Variants in LMF1 observed in about 807,000 individuals in gnomAD.
LMF1 encodes the protein lipase maturation factor 1.
LMF1 carries 68 observed loss-of-function variants against 60.6 expected under a neutral mutation model. The ratio of observed to expected loss-of-function variants is 1.12; its 90% CI spans 0.92 to 1.37. The LOEUF (loss-of-function observed/expected upper bound fraction) is 1.37, where lower values mean the gene tolerates loss of function less well. LMF1 is among the 40% of genes most tolerant of loss of function. The pLI is 0.00. For synonymous variants in LMF1, 418 were observed against 324.7 expected (o/e 1.29, Z -3.09); for missense variants, 948 against 767.2 (o/e 1.24, Z -2.78).
Position 869,036 on chromosome 16 carries a change from C to T in LMF1, c.1437G>A (p.Trp479Ter), listed in dbSNP as rs748148224. The T allele has an allele frequency of 1.2e-6, 2 of 1,612,346 alleles. No homozygotes were observed. The highest frequency in any genetic ancestry group is 1.3e-5 in the African/African-American group (1 of 75,036). Residue 479 changes from tryptophan to a stop codon, truncating the protein, a stop_gained, in exon 10 of 11, where the codon TGG becomes TGA. Coordinates refer to ENST00000262301, the MANE Select transcript of LMF1 (RefSeq NM_022773.4). LOFTEE classifies it high-confidence loss of function. ...GGAGCTTGCCAGCCAGGTGGATGAT[C>T]CAGTCGTTGTGCTCGTAGGTCTGGG... The part of the protein sequence containing the change: ...AAFQTYEHND[W>*]IIHLAGKLLA...
chr16:859,945 G>T (rs1441562842), intron 10 of LMF1, among the ~76,000 whole-genome samples: 4 of 130,516 alleles, frequency 3.1e-5, no homozygotes, highest in Non-Finnish European at 5.9e-5. Flanking sequence ...GGTGTCACGG[G>T]ATGGGTGTGC....
At chr16:949,559 GA>G (rs2072379637) in intron 2 of LMF1, among the ~76,000 whole-genome samples, 3 of 141,256 alleles carry the variant, frequency 2.1e-5, no homozygotes, top group Admixed American at 7.0e-5. Flanking sequence ...CAGAGTCAGA[GA>G]CAATGACAGA....
In LMF1 at chr16:931,863, GAGTCAACAATTCGC is replaced by G. The variant is rs534177633; in HGVS notation, c.514+2367_514+2380del. 115 of 1,217,816 alleles carry G rather than the reference GAGTCAACAATTCGC, an allele frequency of 9.4e-5. No homozygotes were observed. In the African/African-American group the frequency reaches 1.7e-3, roughly 18 times the overall value. 75.4% of individuals were successfully genotyped at this position (1,217,816 alleles called of 1,614,324 possible). Reference sequence around the variant, plus strand: ...TCAGGCGGAAAACATTAACATTAATGAGTCAACAATTCGCTTCTGAGTCCCTACAATTACCACCT... The same window carrying G: ...TCAGGCGGAAAACATTAACATTAATGTTCTGAGTCCCTACAATTACCACCT... On this transcript the variant is annotated intron_variant, in intron 3 of 10. Coordinates refer to ENST00000262301, the MANE Select transcript of LMF1 (RefSeq NM_022773.4).
rs912595386 is a variant in LMF1 at position 962,770 on chromosome 16, C to G, written c.193+8018G>C. Among the ~76,000 whole-genome samples the G allele has an allele frequency of 2.0e-5, 3 of 152,180 alleles. No homozygotes were observed. The highest frequency in any genetic ancestry group is 4.8e-5 in the African/African-American group (2 of 41,436). ...AAACCGGGTCCCAGAACGGAACAGG[C>G]ACGGGTGGAAAAGCCATAGAGTCTG... On this transcript the variant is annotated intron_variant, in intron 1 of 10. Coordinates refer to ENST00000262301, the MANE Select transcript of LMF1 (RefSeq NM_022773.4). The surrounding 1 kb of genome is among the most constrained non-coding windows in gnomAD (Gnocchi z 4.5).
chr16:864,658 C>G (rs1297986177), intron 10 of LMF1, among the ~76,000 whole-genome samples: 1 of 148,496 alleles, frequency 6.7e-6, no homozygotes, highest in Non-Finnish European at 1.5e-5. Context: ...ATTTAAGTTA[C>G]TATCTTTTTT....
intron 3 of LMF1, among the ~76,000 whole-genome samples, chr16:924,995 G>A (rs1163039794): frequency 1.3e-5 from 2 of 152,232 alleles, no homozygotes; most frequent in Non-Finnish European, 2.9e-5. Context: ...GGCAGCGGGG[G>A]GTGGAGGGGA....
intron 4 of LMF1, chr16:893,301 G>T: frequency 1.6e-6 from 1 of 629,316 alleles, no homozygotes; most frequent in South Asian, 1.5e-5. Flanking sequence ...CCGCGGGCGT[G>T]AGCAACAGTG....
intron 5 of LMF1, chr16:885,026 T>C (rs528769234): frequency 1.3e-5 from 2 of 152,372 alleles, no homozygotes; most frequent in African/African-American, 4.8e-5. Context: ...TTCTTCCAAT[T>C]GAATGAAATG....
At chr16:945,536 G>C (rs201950601) in intron 2 of LMF1, among the ~76,000 whole-genome samples, 3 of 143,774 alleles carry the variant, frequency 2.1e-5, no homozygotes, top group Non-Finnish European at 3.0e-5. Context: ...AAAAAAAAAA[G>C]AAAAAAGTTC....
intron 10 of LMF1, among the ~76,000 whole-genome samples, chr16:866,354 G>C (rs528521469): frequency 1.3e-5 from 2 of 152,322 alleles, no homozygotes; most frequent in Admixed American, 1.3e-4. Flanking sequence ...GGTAGGGTGG[G>C]AGTCGTGGCT....
intron 2 of LMF1, among the ~76,000 whole-genome samples, chr16:936,398 C>G (rs112572937): frequency 3.5e-5 from 3 of 84,710 alleles, no homozygotes; most frequent in Non-Finnish European, 2.3e-5. Flanking sequence ...GCTGAGGAAG[C>G]AGGCTGGGAG....
At chr16:857,303 C>A (rs1240163013) in intron 10 of LMF1, among the ~76,000 whole-genome samples, 1 of 152,278 alleles carries the variant, frequency 6.6e-6, no homozygotes, top group East Asian at 1.9e-4. Context: ...TCCACTGCAA[C>A]TTCGGGTGTC....
At chr16:939,780 T>C (rs911829575) in intron 2 of LMF1, among the ~76,000 whole-genome samples, 5 of 152,122 alleles carry the variant, frequency 3.3e-5, no homozygotes, top group Non-Finnish European at 5.9e-5. Context: ...GTAATGAAAA[T>C]TGTTTAAGAA....
intron 10 of LMF1, among the ~76,000 whole-genome samples, chr16:860,031 C>T (rs934350090): frequency 6.6e-6 from 1 of 151,080 alleles, no homozygotes; most frequent in Non-Finnish European, 1.5e-5. Context: ...TTCTCCTGAG[C>T]TTATCTGTCA....
At chr16:929,958 G>A (rs1489016523) in intron 3 of LMF1, among the ~76,000 whole-genome samples, 3 of 151,168 alleles carry the variant, frequency 2.0e-5, no homozygotes, top group Non-Finnish European at 3.0e-5. Context: ...AGCAGCAGTC[G>A]CCTCTGTCTG....
intron 1 of LMF1, among the ~76,000 whole-genome samples, chr16:958,049 A>G (rs530121881): frequency 6.6e-6 from 1 of 152,370 alleles, no homozygotes; most frequent in South Asian, 2.1e-4. Flanking sequence ...TCCACATGCA[A>G]AAAGATGGAC....
intron 1 of LMF1, among the ~76,000 whole-genome samples, chr16:963,169 G>A (rs112683371): frequency 0.02 from 3,093 of 152,090 alleles, 98 homozygotes; most frequent in African/African-American, 0.069. Context: ...GGGGTGGGTC[G>A]CAGGGCGGGA....
At chr16:890,478 GA>G (rs1191339028) in intron 5 of LMF1, among the ~76,000 whole-genome samples, 1 of 152,126 alleles carries the variant, frequency 6.6e-6, no homozygotes, top group Non-Finnish European at 1.5e-5. Flanking sequence ...CTTGGCCCTG[GA>G]CCCCGTGTGA....
rs757336561 is a variant in LMF1, at chr16:853,731, C to A, written c.*801G>T. The A allele has an allele frequency of 1.2e-4, 56 of 454,150 alleles. No individual in the cohort carries two copies. The highest frequency in any genetic ancestry group is 1.0e-3 in the African/African-American group (50 of 50,134). The allele number at this position is 454,150 out of a possible 1,614,324, so 28.1% of individuals were successfully genotyped here. A position where few individuals can be genotyped will look rare whatever the true frequency, so the allele number is the denominator to read the frequency against. On this transcript the variant is annotated 3_prime_UTR_variant, in exon 11 of 11. Coordinates refer to ENST00000262301, the MANE Select transcript of LMF1 (RefSeq NM_022773.4). Reference sequence around the variant, plus strand: ...GAATAAGAAAAATGTGCAGTAGACGCTGTTTGTCCGACGATGATGAAAGTG... The same window carrying A: ...GAATAAGAAAAATGTGCAGTAGACGATGTTTGTCCGACGATGATGAAAGTG...
Sources: allele counts gnomAD v4.1 joint callset (sites outside exome capture counted in the v4.1 genomes callset), GRCh38; gene constraint gnomAD v4.1.1; non-coding constraint Gnocchi (gnomAD v3.1); transcripts MANE v1.5; gene names NCBI Gene and HGNC (gene_info 2026-07-23, HGNC 2026-07-21).